Variants in GAD2 observed in about 807,000 individuals in gnomAD.
GAD2 encodes the protein glutamate decarboxylase 2.
GAD2 carries 22 observed loss-of-function variants against 80.1 expected under a neutral mutation model. The observed-to-expected ratio is 0.27, with a 90% CI of 0.20 to 0.39. The LOEUF (loss-of-function observed/expected upper bound fraction) is 0.39, where lower values mean the gene tolerates loss of function less well. Among genes scored for constraint, GAD2 ranks in the 10% least tolerant of loss-of-function variants. The pLI is 1.00. For missense variants in GAD2, 624 were observed against 738.4 expected, an observed-to-expected ratio of 0.85 and a Z score of 1.80; for synonymous variants, 274 against 256.9, an observed-to-expected ratio of 1.07 and a Z score of -0.64.
At chr10:26,280,969 G>A (rs1415050185) in intron 11 of GAD2, 40 bp from the exon 12 acceptor site, 1 of 1,475,174 alleles carries the variant, frequency 6.8e-7, no homozygotes, top group Non-Finnish European at 9.5e-7. Flanking sequence ...GAGCCTGTCA[G>A]GGTGGAGTGC....
intron 13 of GAD2, among the ~76,000 whole-genome samples, chr10:26,290,024 A>T (rs1236762973): frequency 6.6e-6 from 1 of 151,950 alleles, no homozygotes; most frequent in African/African-American, 2.4e-5. Flanking sequence ...TTTTTTTATG[A>T]TTAGCTTTTC....
chr10:26,279,093 C>T (rs1261618755), intron 11 of GAD2, among the ~76,000 whole-genome samples: 1 of 152,052 alleles, frequency 6.6e-6, no homozygotes, highest in African/African-American at 2.4e-5. Flanking sequence ...CAGGACCCGT[C>T]AGTCTCTCCG....
chr10:26,271,514 A>G (rs1845136297), intron 10 of GAD2, among the ~76,000 whole-genome samples: 3 of 152,208 alleles, frequency 2.0e-5, no homozygotes. Context: ...GTGCCAAACC[A>G]TCATCAGTCA....
At chr10:26,227,199 G>A (rs538008098) in intron 6 of GAD2, among the ~76,000 whole-genome samples, 7 of 152,118 alleles carry the variant, frequency 4.6e-5, no homozygotes, top group Non-Finnish European at 8.8e-5. Flanking sequence ...CACCATGTTG[G>A]CCAGGCTGGT....
chr10:26,232,468 A>ATTTTTT (rs1564658024), intron 7 of GAD2, among the ~76,000 whole-genome samples: 3 of 131,688 alleles, frequency 2.3e-5, no homozygotes, highest in African/African-American at 6.0e-5. Flanking sequence ...AACTCAGTCT[A>ATTTTTT]CTTTTTTTTT....
At position 26,302,143 on chromosome 10, in the gene GAD2, A is replaced by G. The variant is rs973408464; in HGVS notation, c.*1182A>G. 2.0e-5 allele frequency: 3 copies of G among 152,050 alleles called. No individual in the cohort carries two copies. Among genetic ancestry groups the G allele is most frequent in the African/African-American group, 7.3e-5 (3 of 41,376 alleles). 9.4% of individuals were successfully genotyped at this position (152,050 alleles called of 1,614,324 possible). A position where few individuals can be genotyped will look rare whatever the true frequency, so the allele number is the denominator to read the frequency against. On this transcript the variant is annotated 3_prime_UTR_variant, in exon 16 of 16. Transcript: ENST00000376261. ...TATTGCCACTGTCCAGGAAAGAGAAATTTACCTCCAGGCCAGTTGCGCATT... is the reference window on the plus strand; with the variant it reads ...TATTGCCACTGTCCAGGAAAGAGAAGTTTACCTCCAGGCCAGTTGCGCATT...
intron 11 of GAD2, among the ~76,000 whole-genome samples, chr10:26,274,074 T>C (rs1473614564): frequency 2.0e-5 from 3 of 152,180 alleles, no homozygotes; most frequent in Non-Finnish European, 4.4e-5. Context: ...TCATGTTTCA[T>C]AAAAGGATAA....
rs149403865 is a variant in GAD2 at position 26,228,040 on chromosome 10, A to T, written c.725-1622A>T. On this transcript the variant is annotated intron_variant, in intron 6 of 15. Transcript: ENST00000376261. ...CCCTGCCTGGGCCATTCAGCTTGAC[A>T]TGGAGCCCTCCTGCTCCTCAGCCAC... is the stretch of plus-strand genomic sequence containing the variant. 7.5e-4 allele frequency among the ~76,000 whole-genome samples: 114 copies of T among 152,344 alleles called. 1 individual carries two copies. Among genetic ancestry groups the T allele is most frequent in the African/African-American group, 2.7e-3 (111 of 41,590 alleles).
intron 10 of GAD2, among the ~76,000 whole-genome samples, chr10:26,272,813 A>G (rs1289670594): frequency 6.6e-6 from 1 of 152,302 alleles, no homozygotes; most frequent in African/African-American, 2.4e-5. Flanking sequence ...GCAGTGAGCC[A>G]AGATCTCACC....
chr10:26,254,737 G>A (rs573593907), intron 8 of GAD2, among the ~76,000 whole-genome samples: 2 of 152,310 alleles, frequency 1.3e-5, no homozygotes, highest in South Asian at 2.1e-4. Context: ...CAGAGTGGGC[G>A]GGATGAGAGA....
intron 7 of GAD2, 36 bp downstream of exon 7, chr10:26,229,813 G>A (rs1844576632): frequency 1.3e-6 from 2 of 1,489,236 alleles, no homozygotes; most frequent in South Asian, 1.1e-5. Context: ...TTAAGGTTAT[G>A]TTCCATAAAG....
At chr10:26,270,931 A>G (rs1241868839) in intron 10 of GAD2, among the ~76,000 whole-genome samples, 175 bp downstream of exon 10, 3 of 152,138 alleles carry the variant, frequency 2.0e-5, no homozygotes, top group African/African-American at 7.2e-5. Context: ...CACAGTACAC[A>G]CCGTGCACCA....
intron 15 of GAD2, among the ~76,000 whole-genome samples, chr10:26,295,699 G>A (rs1834266819): frequency 1.3e-5 from 2 of 152,090 alleles, no homozygotes; most frequent in East Asian, 3.8e-4. Flanking sequence ...CCACATTTCA[G>A]TCACTCAACT....
chr10:26,222,565 C>T (rs1032483414), intron 4 of GAD2, among the ~76,000 whole-genome samples: 3 of 152,074 alleles, frequency 2.0e-5, no homozygotes, highest in African/African-American at 7.3e-5. Context: ...TCTCACCCTT[C>T]GTGGATGGGT....
At chr10:26,272,009 CT>C (rs954402574) in intron 10 of GAD2, among the ~76,000 whole-genome samples, 24 of 152,238 alleles carry the variant, frequency 1.6e-4, no homozygotes, top group Non-Finnish European at 2.6e-4. Flanking sequence ...ATCCACCTGC[CT>C]TGGCCTCCCA....
chr10:26,302,093 C>A lies in GAD2; in HGVS notation c.*1132C>A, dbSNP rs1050476186. 1 of 152,020 alleles carries A rather than the reference C, an allele frequency of 6.6e-6. No individual in the cohort carries two copies. The highest frequency in any genetic ancestry group is 2.4e-5 in the African/African-American group (1 of 41,384). The allele number at this position is 152,020 out of a possible 1,614,324, so 9.4% of individuals were successfully genotyped here. On this transcript the variant is annotated 3_prime_UTR_variant, in exon 16 of 16. Coordinates refer to ENST00000376261, the MANE Select transcript of GAD2 (RefSeq NM_001134366.2). ...CTTGGGAGAAGAGATCTCTGTGGGACAATAATGACATCATCCTGGCGCCAT... is the reference window on the plus strand; with the variant it reads ...CTTGGGAGAAGAGATCTCTGTGGGAAAATAATGACATCATCCTGGCGCCAT...
chr10:26,220,506 T>G (rs1844439200), intron 4 of GAD2, among the ~76,000 whole-genome samples: 1 of 152,166 alleles, frequency 6.6e-6, no homozygotes. Context: ...TCTATCAAAG[T>G]CAGGCTATGG....
chr10:26,274,919 A>G (rs978023006), intron 11 of GAD2, among the ~76,000 whole-genome samples: 1 of 152,234 alleles, frequency 6.6e-6, no homozygotes, highest in Non-Finnish European at 1.5e-5. Context: ...GCCTGAGCAC[A>G]GCGGTGTTAA....
In GAD2 at chr10:26,229,609, G is replaced by A. The variant is rs958535914; in HGVS notation, c.725-53G>A. The A allele has an allele frequency of 3.9e-6, 5 of 1,271,964 alleles. No homozygotes were observed. In the East Asian group the frequency reaches 7.0e-5, roughly 18 times the overall value. 78.8% of individuals were successfully genotyped at this position (1,271,964 alleles called of 1,614,324 possible). ...TGGAAATAAGGAATGTTGCTTGCAT[G>A]TGAAATGAGGTTGATAATAAATAAA... On this transcript the variant is annotated intron_variant, in intron 6 of 15. Coordinates refer to ENST00000376261, the MANE Select transcript of GAD2 (RefSeq NM_001134366.2).
Sources: allele counts gnomAD v4.1 joint callset (sites outside exome capture counted in the v4.1 genomes callset), GRCh38; gene constraint gnomAD v4.1.1; transcripts MANE v1.5; gene names NCBI Gene and HGNC (gene_info 2026-07-23, HGNC 2026-07-21).